Variants in RAB3GAP2 observed in about 807,000 individuals in gnomAD.
RAB3GAP2 encodes RAB3 GTPase activating non-catalytic protein subunit 2.
In RAB3GAP2, 87 loss-of-function variants were observed where a neutral mutation model predicts 185.3. That is an observed-to-expected ratio of 0.47 (90% CI 0.39 to 0.56). The LOEUF is 0.56. Ranked by LOEUF, RAB3GAP2 falls within the 20% of genes least tolerant of loss-of-function variation. The pLI, the probability that RAB3GAP2 is intolerant of heterozygous loss-of-function variation, is 0.00. For missense variants in RAB3GAP2, 1,492 were observed against 1,638.2 expected, an observed-to-expected ratio of 0.91 and a Z score of 1.54; for synonymous variants, 554 against 576.1, an observed-to-expected ratio of 0.96 and a Z score of 0.55.
chr1:220,263,298 C>A (rs995602903), intron 1 of RAB3GAP2, among the ~76,000 whole-genome samples: 2 of 151,978 alleles, frequency 1.3e-5, no homozygotes, highest in Non-Finnish European at 2.9e-5. Context: ...AGTTTTTAAG[C>A]TTAGTGTAGC....
intron 18 of RAB3GAP2, among the ~76,000 whole-genome samples, chr1:220,185,231 A>G (rs1658487518): frequency 1.3e-5 from 2 of 152,190 alleles, no homozygotes. Flanking sequence ...ATTTTAAAGA[A>G]CAATGTGATA....
intron 31 of RAB3GAP2, among the ~76,000 whole-genome samples, chr1:220,154,786 T>C (rs1184681869): frequency 1.3e-5 from 2 of 150,136 alleles, no homozygotes; most frequent in Non-Finnish European, 3.0e-5. Context: ...AGTGGTGTGA[T>C]CTCAGCTCAC....
chr1:220,181,326 T>G (rs1248209524), intron 21 of RAB3GAP2, among the ~76,000 whole-genome samples: 2 of 152,152 alleles, frequency 1.3e-5, no homozygotes, highest in African/African-American at 4.8e-5. Flanking sequence ...ACCTTCTGTA[T>G]CCATGGTTTT....
At chr1:220,163,390 G>A (rs1449222309) in intron 27 of RAB3GAP2, among the ~76,000 whole-genome samples, 4 of 146,014 alleles carry the variant, frequency 2.7e-5, no homozygotes, top group African/African-American at 5.1e-5. Context: ...TTTTTGAGAC[G>A]GAGTCTCTCT....
At chr1:220,259,919 T>C (rs974163344) in intron 1 of RAB3GAP2, among the ~76,000 whole-genome samples, 1 of 152,088 alleles carries the variant, frequency 6.6e-6, no homozygotes, top group Non-Finnish European at 1.5e-5. Context: ...CATTATAAAC[T>C]GGGCAAAGGA....
rs903259855 is a variant in RAB3GAP2, at chr1:220,185,650, C to A, written c.1870+1G>T. On this transcript the variant is annotated splice_donor_variant, in intron 18 of 34. Coordinates refer to ENST00000358951, the MANE Select transcript of RAB3GAP2 (RefSeq NM_012414.4). LOFTEE classifies it high-confidence loss of function. ...CCTCCAATCAGTACAAACCCTATTA[C>A]CTTGACTTTTTAAAGTGTCCATTAA... The A allele has an allele frequency of 6.2e-7, 1 of 1,602,516 alleles. No homozygotes were observed.
At chr1:220,163,050 C>G (rs1287900738) in intron 27 of RAB3GAP2, among the ~76,000 whole-genome samples, 1 of 152,110 alleles carries the variant, frequency 6.6e-6, no homozygotes, top group African/African-American at 2.4e-5. Flanking sequence ...GAGGTGATAG[C>G]ATAGCTTGAG....
rs1658699078 is a variant in RAB3GAP2, at chr1:220,195,112, G to A, written c.1096C>T (p.Pro366Ser). 6.2e-7 allele frequency: 1 copy of A among 1,613,992 alleles called. No homozygotes were observed. The highest frequency in any genetic ancestry group is 1.1e-5 in the South Asian group (1 of 91,088). ...HEEEAVQKQK[P>S]KVEPATPLAV... ...AATGGGGTAGCTGGCTCAACCTTCG[G>A]CTTTTGCTTTTGGACAGCTTCTTCT... Residue 366 changes from proline to serine, a missense_variant, in exon 12 of 35, where the codon CCG (proline) becomes TCG (serine). Pro to Ser is a moderately conservative substitution (Grantham distance 74, BLOSUM62 -1). Transcript: ENST00000358951.
chr1:220,181,504 C>G (rs1658403959), intron 21 of RAB3GAP2, among the ~76,000 whole-genome samples: 2 of 151,888 alleles, frequency 1.3e-5, no homozygotes, highest in Admixed American at 6.6e-5. Context: ...GTATTTCCTC[C>G]TTGGATGATT....
At chr1:220,152,536 C>CA (rs1211278117) in intron 33 of RAB3GAP2, among the ~76,000 whole-genome samples, 1 of 152,146 alleles carries the variant, frequency 6.6e-6, no homozygotes, top group Non-Finnish European at 1.5e-5. Flanking sequence ...TGGACCTAGT[C>CA]ATTCTAGTCC....
intron 1 of RAB3GAP2, among the ~76,000 whole-genome samples, chr1:220,251,907 C>G (rs771827558): frequency 6.6e-6 from 1 of 151,996 alleles, no homozygotes; most frequent in Admixed American, 6.6e-5. Context: ...AATCCCAGCA[C>G]GGAAAGCCGA....
At chr1:220,236,884 G>T (rs1464878575) in intron 1 of RAB3GAP2, among the ~76,000 whole-genome samples, 1 of 152,080 alleles carries the variant, frequency 6.6e-6, no homozygotes, top group Non-Finnish European at 1.5e-5. Context: ...ATAACTTTGA[G>T]AACTATGTAC....
chr1:220,183,967 T>C, intron 19 of RAB3GAP2, 69 bp downstream of exon 19: 1 of 1,285,300 alleles, frequency 7.8e-7, no homozygotes, highest in Non-Finnish European at 1.1e-6. Flanking sequence ...ACTTCTTTAC[T>C]ACTAATTTTA....
At chr1:220,163,354 G>C (rs1295051711) in intron 27 of RAB3GAP2, among the ~76,000 whole-genome samples, 1 of 151,486 alleles carries the variant, frequency 6.6e-6, no homozygotes, top group East Asian at 1.9e-4. Context: ...TCTGAAGTCA[G>C]TTAGTAACTT....
chr1:220,237,747 T>A (rs1659621081), intron 1 of RAB3GAP2, among the ~76,000 whole-genome samples: 1 of 152,216 alleles, frequency 6.6e-6, no homozygotes, highest in African/African-American at 2.4e-5. Flanking sequence ...TTCCTTTGCC[T>A]GTCATCACTC....
chr1:220,258,491 G>A (rs1182691829), intron 1 of RAB3GAP2, among the ~76,000 whole-genome samples: 1 of 152,076 alleles, frequency 6.6e-6, no homozygotes, highest in African/African-American at 2.4e-5. Context: ...AAAACCACAT[G>A]AATACCTCAA....
intron 24 of RAB3GAP2, among the ~76,000 whole-genome samples, 192 bp from the exon 25 acceptor site, chr1:220,167,867 G>T (rs924193239): frequency 1.3e-5 from 2 of 152,032 alleles, no homozygotes; most frequent in African/African-American, 4.8e-5. Context: ...CAACAAGTGG[G>T]ATATTTACGA....
At chr1:220,171,254 A>G in intron 23 of RAB3GAP2, 134 bp from the exon 24 acceptor site, 1 of 820,666 alleles carries the variant, frequency 1.2e-6, no homozygotes, top group South Asian at 1.5e-5. Flanking sequence ...TTTCACAAAT[A>G]TTACTACTTG....
At chr1:220,267,770 A>C (rs1416078745) in intron 1 of RAB3GAP2, 1 of 1,526,544 alleles carries the variant, frequency 6.6e-7, no homozygotes, top group Non-Finnish European at 9.1e-7. Flanking sequence ...AATTTGAAGG[A>C]CACAAGACCC....
Sources: allele counts gnomAD v4.1 joint callset (sites outside exome capture counted in the v4.1 genomes callset), GRCh38; gene constraint gnomAD v4.1.1; transcripts MANE v1.5; gene names NCBI Gene and HGNC (gene_info 2026-07-23, HGNC 2026-07-21).